The following GALNTL6 variants were observed in gnomAD, a reference collection of about 807,000 sequenced individuals.
GALNTL6 encodes polypeptide N-acetylgalactosaminyltransferase like 6.
In GALNTL6, 46 loss-of-function variants were observed where a neutral mutation model predicts 73.7. That is an observed-to-expected ratio of 0.62 (90% confidence interval 0.49 to 0.80). The LOEUF (loss-of-function observed/expected upper bound fraction) is 0.80. GALNTL6 is among the 30% of genes least tolerant of loss of function. GALNTL6 has a pLI of 0.00. For synonymous variants in GALNTL6, 259 were observed against 263.7 expected (o/e 0.98, Z 0.17); for missense variants, 604 against 755.0 (o/e 0.80, Z 2.34).
intron 10 of GALNTL6, among the ~76,000 whole-genome samples, chr4:172,991,659 C>T (rs1751552849): frequency 6.6e-6 from 1 of 152,260 alleles, no homozygotes; most frequent in South Asian, 2.1e-4. Flanking sequence ...CCTCCCACCT[C>T]AGCCTCCCAA....
chr4:172,709,284 A>T (rs547286736), intron 5 of GALNTL6, among the ~76,000 whole-genome samples: 2 of 152,314 alleles, frequency 1.3e-5, no homozygotes, highest in African/African-American at 4.8e-5. Context: ...GCTCATGGAC[A>T]CAATCAGTGC....
At chr4:172,543,577 A>C (rs1456046216) in intron 5 of GALNTL6, among the ~76,000 whole-genome samples, 2 of 152,202 alleles carry the variant, frequency 1.3e-5, no homozygotes, top group Non-Finnish European at 2.9e-5. Flanking sequence ...GATTTAAATA[A>C]ATTTCAAAGC....
chr4:172,298,101 T>G (rs1487734913), intron 3 of GALNTL6, among the ~76,000 whole-genome samples: 1 of 152,194 alleles, frequency 6.6e-6, no homozygotes, highest in African/African-American at 2.4e-5. Context: ...AGGTATTTTA[T>G]TCCCTTTGAA....
intron 5 of GALNTL6, among the ~76,000 whole-genome samples, chr4:172,474,818 A>G (rs1284699123): frequency 6.6e-6 from 1 of 152,228 alleles, no homozygotes; most frequent in Non-Finnish European, 1.5e-5. Context: ...AGTAAAAAAT[A>G]AAAGACAGCT....
intron 5 of GALNTL6, among the ~76,000 whole-genome samples, chr4:172,534,887 T>C (rs986530213): frequency 9.2e-5 from 14 of 152,108 alleles, no homozygotes; most frequent in Non-Finnish European, 1.9e-4. Flanking sequence ...GATTTGAAGA[T>C]TTACAAACCT....
chr4:172,759,632 T>C (rs1737950489), intron 5 of GALNTL6, among the ~76,000 whole-genome samples: 1 of 152,134 alleles, frequency 6.6e-6, no homozygotes, highest in Admixed American at 6.5e-5. Context: ...CACTCCGCCA[T>C]CTCTTCCTGT....
In GALNTL6 at chr4:172,813,639, G is replaced by A; in HGVS notation, c.839G>A (p.Arg280Gln). ...GAGGCACAAGCTGGGGATGCCATGC[G>A]AGGAGCCTTCGACTGGGAAATGTAC... is the stretch of plus-strand genomic sequence containing the variant. ...GYEAQAGDAM[R>Q]GAFDWEMYYK... The change falls in exon 7 of 13, where the codon CGA (arginine) becomes CAA (glutamine). Residue 280 changes from arginine to glutamine, a missense_variant. By Grantham distance (43) the Arg-to-Gln change is conservative (BLOSUM62 1). Around this residue, in one of 5 missense-constraint regions of GALNTL6, gnomAD observed 179 missense variants for 230.8 expected, o/e 0.78. Transcript: ENST00000506823. 4.3e-6 allele frequency: 7 copies of A among 1,613,528 alleles called. No individual in the cohort carries two copies. The highest frequency in any genetic ancestry group is 1.3e-5 in the African/African-American group (1 of 75,006).
At chr4:172,173,054 G>C (rs1734882845) in intron 2 of GALNTL6, among the ~76,000 whole-genome samples, 1 of 152,206 alleles carries the variant, frequency 6.6e-6, no homozygotes, top group Admixed American at 6.5e-5. Context: ...TGAGGTGAGA[G>C]GAGAGATGGG....
intron 2 of GALNTL6, among the ~76,000 whole-genome samples, chr4:172,075,777 G>GAC (rs1181789694): frequency 6.6e-6 from 1 of 152,152 alleles, no homozygotes; most frequent in East Asian, 1.9e-4. Flanking sequence ...AAGACAGAGA[G>GAC]AGAGAGAGAG....
At chr4:172,824,436 TATA>T (rs1344068597) in intron 7 of GALNTL6, among the ~76,000 whole-genome samples, 1 of 151,908 alleles carries the variant, frequency 6.6e-6, no homozygotes, top group Admixed American at 6.6e-5. Context: ...ACATATATGT[TATA>T]ATAATAAATT....
At chr4:172,971,462 G>T (rs1359125801) in intron 10 of GALNTL6, among the ~76,000 whole-genome samples, 1 of 152,168 alleles carries the variant, frequency 6.6e-6, no homozygotes, top group Non-Finnish European at 1.5e-5. Context: ...ATTGGCTACA[G>T]GATGGAGGAA....
intron 2 of GALNTL6, among the ~76,000 whole-genome samples, chr4:172,136,920 C>T (rs7685381): frequency 0.46 from 69,088 of 151,638 alleles, 16,608 homozygotes; most frequent in African/African-American, 0.6. Flanking sequence ...AATTAGTCCC[C>T]GAAAAACAAA....
chr4:172,984,719 C>A (rs1305401246), intron 10 of GALNTL6, among the ~76,000 whole-genome samples: 1 of 152,170 alleles, frequency 6.6e-6, no homozygotes, highest in Non-Finnish European at 1.5e-5. Flanking sequence ...CAGTATCATG[C>A]AGTATCCTCT....
intron 2 of GALNTL6, among the ~76,000 whole-genome samples, chr4:171,820,092 TA>T (rs763102518): frequency 2.4e-4 from 37 of 152,034 alleles, no homozygotes; most frequent in Non-Finnish European, 4.6e-4. Flanking sequence ...AAACAACAGA[TA>T]AAAAACCTGT....
At chr4:172,299,473 T>G (rs1301741845) in intron 3 of GALNTL6, among the ~76,000 whole-genome samples, 1 of 152,224 alleles carries the variant, frequency 6.6e-6, no homozygotes, top group Non-Finnish European at 1.5e-5. Flanking sequence ...GTGTCAATTT[T>G]GGATCTTTCC....
At chr4:172,613,503 G>A (rs1738606966) in intron 5 of GALNTL6, among the ~76,000 whole-genome samples, 1 of 151,932 alleles carries the variant, frequency 6.6e-6, no homozygotes, top group Non-Finnish European at 1.5e-5. Flanking sequence ...GACTTTATTC[G>A]AGATGTCATA....
chr4:171,880,373 C>T (rs1248730714), intron 2 of GALNTL6, among the ~76,000 whole-genome samples: 1 of 152,146 alleles, frequency 6.6e-6, no homozygotes, highest in African/African-American at 2.4e-5. Context: ...CTGAGAAAGC[C>T]GATCACAGGG....
chr4:172,213,865 A>T (rs1426042835), intron 2 of GALNTL6, among the ~76,000 whole-genome samples: 3 of 152,196 alleles, frequency 2.0e-5, no homozygotes, highest in Admixed American at 2.0e-4. Flanking sequence ...CTCATCACCA[A>T]AACTAAGGTC....
chr4:171,944,017 A>G (rs1173957464), intron 2 of GALNTL6, among the ~76,000 whole-genome samples: 2 of 152,070 alleles, frequency 1.3e-5, no homozygotes, highest in African/African-American at 2.4e-5. Flanking sequence ...CTAAATTGTA[A>G]TAAGACTTGC....
Sources: allele counts gnomAD v4.1 joint callset (sites outside exome capture counted in the v4.1 genomes callset), GRCh38; gene constraint gnomAD v4.1.1; regional missense constraint gnomAD v4.1.1; transcripts MANE v1.5; gene names NCBI Gene and HGNC (gene_info 2026-07-23, HGNC 2026-07-21).